Variants in B4GALT1 observed in about 807,000 individuals in gnomAD.
The protein encoded by B4GALT1 is N-acetyllactosamine synthase.
A neutral mutation model predicts 34.9 loss-of-function variants in B4GALT1; 16 were observed. The observed-to-expected ratio is 0.46, with a 90% confidence interval of 0.31 to 0.70. The LOEUF is 0.70. Ranked by LOEUF, B4GALT1 falls within the 30% of genes least tolerant of loss-of-function variation. The pLI is 0.05. For missense variants in B4GALT1, 445 were observed against 530.5 expected, an observed-to-expected ratio of 0.84 and a Z score of 1.58; for synonymous variants, 221 against 218.1, an observed-to-expected ratio of 1.01 and a Z score of -0.12.
downstream of B4GALT1, among the ~76,000 whole-genome samples, chr9:33,106,313 G>A (rs535607464): frequency 6.6e-6 from 1 of 152,304 alleles, no homozygotes; most frequent in East Asian, 1.9e-4. Context: ...AGATGGCCCA[G>A]CTGAAAGAAG....
At chr9:33,177,704 T>A in the B4GALT1 span, among the ~76,000 whole-genome samples, 5 of 152,272 alleles carry the variant, frequency 3.3e-5, no homozygotes, top group South Asian at 8.3e-4. Flanking sequence ...AAACAACAAT[T>A]TATTATTTCT....
chr9:33,143,663 T>A (rs979360289), intron 1 of B4GALT1, among the ~76,000 whole-genome samples: 1 of 152,252 alleles, frequency 6.6e-6, no homozygotes, highest in Non-Finnish European at 1.5e-5. Flanking sequence ...TGCAATTCCC[T>A]GGACTACATT....
chr9:33,182,050 T>A, the B4GALT1 span, among the ~76,000 whole-genome samples: 276 of 152,034 alleles, frequency 1.8e-3, 2 homozygotes, highest in Non-Finnish European at 2.9e-3. Context: ...CCAGCTAATT[T>A]AAAAAAATTT....
intron 2 of B4GALT1, among the ~76,000 whole-genome samples, chr9:33,124,490 T>C (rs1249302333): frequency 2.0e-5 from 3 of 152,194 alleles, no homozygotes; most frequent in African/African-American, 4.8e-5. Context: ...TGAGACAACA[T>C]TGTCTACCAA....
chr9:33,115,913 G>C, intron 4 of B4GALT1, 78 bp downstream of exon 4: 2 of 1,552,736 alleles, frequency 1.3e-6, no homozygotes, highest in Non-Finnish European at 1.8e-6. Flanking sequence ...TCAGTCCTTG[G>C]GGAACAACCA....
chr9:33,143,589 A>T (rs997027785), intron 1 of B4GALT1, among the ~76,000 whole-genome samples: 28 of 152,234 alleles, frequency 1.8e-4, no homozygotes, highest in Non-Finnish European at 4.4e-5. Flanking sequence ...TTGATTTGAT[A>T]AGCCTGGGGC....
intron 3 of B4GALT1, among the ~76,000 whole-genome samples, chr9:33,119,812 G>C (rs1268568334): frequency 6.6e-6 from 1 of 152,190 alleles, no homozygotes; most frequent in Non-Finnish European, 1.5e-5. Flanking sequence ...TCCAAAACTT[G>C]TGGGGCAAGA....
intron 4 of B4GALT1, among the ~76,000 whole-genome samples, chr9:33,115,207 T>G (rs1045787059): frequency 6.6e-6 from 1 of 152,252 alleles, no homozygotes; most frequent in Non-Finnish European, 1.5e-5. Context: ...GTAACTTGAA[T>G]GACTTGGGTG....
chr9:33,134,711 G>T (rs990295208), intron 2 of B4GALT1, among the ~76,000 whole-genome samples: 2 of 152,190 alleles, frequency 1.3e-5, no homozygotes, highest in Admixed American at 6.5e-5. Context: ...TTCACCAGGG[G>T]CTGGCATGTA....
At chr9:33,142,866 C>G (rs958969010) in intron 1 of B4GALT1, among the ~76,000 whole-genome samples, 2 of 152,186 alleles carry the variant, frequency 1.3e-5, no homozygotes, top group Non-Finnish European at 2.9e-5. Context: ...AAAAATAGGC[C>G]AGGTGCGGTG....
intron 1 of B4GALT1, among the ~76,000 whole-genome samples, chr9:33,152,188 C>T (rs1840526241): frequency 6.6e-6 from 1 of 152,046 alleles, no homozygotes; most frequent in African/African-American, 2.4e-5. Flanking sequence ...CCTGTAATCA[C>T]AGCTTCTCGG....
At chr9:33,169,750 A>T (rs1587757941), upstream of B4GALT1, among the ~76,000 whole-genome samples, 1 of 151,708 alleles carries the variant, frequency 6.6e-6, no homozygotes, top group African/African-American at 2.4e-5. Context: ...CAAACTCCTG[A>T]CCTCAGGTGA....
At chr9:33,128,096 C>CCTCT (rs754837121) in intron 2 of B4GALT1, among the ~76,000 whole-genome samples, 28 of 150,276 alleles carry the variant, frequency 1.9e-4, no homozygotes, top group Non-Finnish European at 2.8e-4. Context: ...GGTCGGCATT[C>CCTCT]CTCTCTCTCT....
chr9:33,127,784 G>A (rs923633039), intron 2 of B4GALT1, among the ~76,000 whole-genome samples: 1 of 152,198 alleles, frequency 6.6e-6, no homozygotes, highest in Non-Finnish European at 1.5e-5. Flanking sequence ...GAAAAAGCAG[G>A]ATACAAAAGT....
rs199541947 is a variant in B4GALT1 at position 33,157,121 on chromosome 9, T to TACACACACACACACACACACAC, written c.412+9615_412+9636dup. On this transcript the variant is annotated intron_variant, in intron 1 of 5. Transcript: ENST00000379731. ...ACACACGGTGTCCAGCATAGGGAAC[T>TACACACACACACACACACACAC]ACACACACACACACACACACACACA... Among the ~76,000 whole-genome samples, 99 of 113,250 alleles carry TACACACACACACACACACACAC rather than the reference T, an allele frequency of 8.7e-4. 2 individuals are homozygous for TACACACACACACACACACACAC. The highest frequency in any genetic ancestry group is 2.4e-3 in the African/African-American group (59 of 24,618). The allele number at this position is 113,250 out of a possible 152,430, so 74.3% of individuals were successfully genotyped here.
chr9:33,184,411 T>C, the B4GALT1 span, among the ~76,000 whole-genome samples: 2 of 152,150 alleles, frequency 1.3e-5, no homozygotes, highest in African/African-American at 2.4e-5. Context: ...CTTCAACCAC[T>C]ATCCTGAGCT....
intron 1 of B4GALT1, among the ~76,000 whole-genome samples, chr9:33,160,562 T>C (rs1467017213): frequency 6.6e-6 from 1 of 152,026 alleles, no homozygotes; most frequent in African/African-American, 2.4e-5. Flanking sequence ...AGCTCTGGAG[T>C]TCGAGACCAG....
chr9:33,116,551 C>G (rs555941734), intron 3 of B4GALT1, among the ~76,000 whole-genome samples: 1 of 110,352 alleles, frequency 9.1e-6, no homozygotes, highest in South Asian at 3.0e-4. Flanking sequence ...GAAGGAGTCT[C>G]GCTCTGTAGC....
rs1840771449 is a variant in B4GALT1 at position 33,167,038 on chromosome 9, G to T, written c.132C>A (p.Gly44=). The T allele has an allele frequency of 6.9e-6, 11 of 1,599,980 alleles. No homozygotes were observed. Among genetic ancestry groups the T allele is most frequent in the Non-Finnish European group, 9.3e-6 (11 of 1,178,494 alleles). ...GTTGGGGCAGGCGGCTCAGGTCGCG[G>T]CCAGCCAGGTAGTAAACGAGGGTGA... is the stretch of plus-strand genomic sequence containing the variant. ...LGVTLVYYLA[G]RDLSRLPQLV... is the part of the protein sequence containing the mutation. The change falls in exon 1 of 6, where the codon GGC becomes GGA. Residue 44 remains glycine, a synonymous_variant. Transcript: ENST00000379731.
Sources: allele counts gnomAD v4.1 joint callset (sites outside exome capture counted in the v4.1 genomes callset), GRCh38; gene constraint gnomAD v4.1.1; transcripts MANE v1.5; gene names NCBI Gene and HGNC (gene_info 2026-07-23, HGNC 2026-07-21).